Variants in UBAP2 observed in about 807,000 individuals in gnomAD.
The protein encoded by UBAP2 is ubiquitin associated protein 2.
Under a neutral mutation model 139.6 loss-of-function variants are expected in UBAP2, and 75 were observed. That is an observed-to-expected ratio of 0.54 (90% CI 0.45 to 0.65). The LOEUF (loss-of-function observed/expected upper bound fraction) is 0.65. Ranked by LOEUF, UBAP2 falls within the 30% of genes least tolerant of loss-of-function variation. UBAP2 has a pLI of 0.00. For missense variants in UBAP2, 1,368 were observed against 1,369.6 expected (o/e 1.00, Z 0.02); for synonymous variants, 526 against 526.2 (o/e 1.00, Z 0.01).
Position 33,923,239 on chromosome 9 carries a change from T to A in UBAP2, c.2951A>T (p.Tyr984Phe). The A allele has an allele frequency of 6.2e-7, 1 of 1,614,222 alleles. No individual in the cohort carries two copies. Among genetic ancestry groups the A allele is most frequent in the Non-Finnish European group, 8.5e-7 (1 of 1,180,030 alleles). ...TAAGDYSKGG[Y>F]AGSSQAPNKS... ...GTTTGGTGCCTGCGATGATCCAGCA[T>A]AGCCACCTTTGGAGTAGTCTCCTGC... The change falls in exon 26 of 29, where the codon TAT becomes TTT. Residue 984 changes from tyrosine (Y) to phenylalanine (F), a missense_variant. Coordinates refer to ENST00000379238, the MANE Select transcript of UBAP2 (RefSeq NM_001370062.2).
chr9:33,927,449 C>T (rs1214520614), intron 20 of UBAP2, among the ~76,000 whole-genome samples: 1 of 152,174 alleles, frequency 6.6e-6, no homozygotes, highest in East Asian at 1.9e-4. Flanking sequence ...TCGGTTTTAG[C>T]AGCGACCATC....
intron 2 of UBAP2, among the ~76,000 whole-genome samples, chr9:34,012,249 A>T (rs964307855): frequency 9.8e-5 from 15 of 152,320 alleles, no homozygotes; most frequent in South Asian, 4.1e-4. Context: ...AGGACATTAC[A>T]GCTGGGCCCA....
intron 2 of UBAP2, among the ~76,000 whole-genome samples, chr9:34,007,231 C>T (rs1480379794): frequency 1.3e-5 from 2 of 152,098 alleles, no homozygotes; most frequent in African/African-American, 2.4e-5. Flanking sequence ...CAGTGACTCA[C>T]GCCTGTAATC....
intron 6 of UBAP2, among the ~76,000 whole-genome samples, chr9:33,976,974 T>C (rs1828400835): frequency 6.8e-6 from 1 of 147,870 alleles, no homozygotes; most frequent in Non-Finnish European, 1.5e-5. Flanking sequence ...ATGGCGCCAC[T>C]GCACTCCAGC....
chr9:33,984,839 C>T (rs530451019), intron 6 of UBAP2, among the ~76,000 whole-genome samples: 2 of 152,054 alleles, frequency 1.3e-5, no homozygotes, highest in African/African-American at 4.8e-5. Context: ...ATCAAAAAGA[C>T]AAAAAATAGC....
In UBAP2 at chr9:33,989,007, G is replaced by C. The variant is rs754686127; in HGVS notation, c.408C>G (p.Asn136Lys). 6.2e-7 allele frequency: 1 copy of C among 1,613,468 alleles called. No individual in the cohort carries two copies. The highest frequency in any genetic ancestry group is 1.7e-5 in the Admixed American group (1 of 59,872). ...CACGATTGCCGCCTCTTCCTTTCCG[G>C]TTGTTGTTTCCACGTCCACGACTCG... The part of the protein sequence containing the change: ...KESSRGRGNN[N>K]RKGRGGNRGR... The change falls in exon 5 of 29, where the codon AAC becomes AAG. Residue 136 changes from asparagine to lysine, a missense_variant. By Grantham distance (94) the Asn-to-Lys change is moderately conservative (BLOSUM62 0). Transcript: ENST00000379238.
intron 2 of UBAP2, among the ~76,000 whole-genome samples, chr9:34,012,814 C>T (rs1823873965): frequency 6.6e-6 from 1 of 150,394 alleles, no homozygotes; most frequent in South Asian, 2.1e-4. Flanking sequence ...ATTCCCATTG[C>T]AACTTTTCCG....
chr9:33,976,798 A>C (rs1828382896), intron 6 of UBAP2, among the ~76,000 whole-genome samples: 1 of 151,770 alleles, frequency 6.6e-6, no homozygotes, highest in Non-Finnish European at 1.5e-5. Flanking sequence ...TCAGTTCAAG[A>C]CCAGCCTGGC....
chr9:33,932,240 C>T (rs1316947226), intron 19 of UBAP2, among the ~76,000 whole-genome samples: 2 of 152,202 alleles, frequency 1.3e-5, no homozygotes, highest in South Asian at 2.1e-4. Flanking sequence ...GCAATCTCTG[C>T]GTCTGAGTCA....
chr9:33,943,300 A>AT, intron 15 of UBAP2, 120 bp downstream of exon 15: 1 of 966,440 alleles, frequency 1.0e-6, no homozygotes, highest in Non-Finnish European at 1.5e-6. Flanking sequence ...TTTCTTATGG[A>AT]GATGATGGAA....
At chr9:33,934,616 C>T (rs896486961) in intron 17 of UBAP2, among the ~76,000 whole-genome samples, 2 of 152,132 alleles carry the variant, frequency 1.3e-5, no homozygotes, top group African/African-American at 2.4e-5. Context: ...CAAAACATAC[C>T]GCCCTGGGCC....
chr9:34,002,232 G>C (rs1419480357), intron 2 of UBAP2, among the ~76,000 whole-genome samples: 1 of 152,038 alleles, frequency 6.6e-6, no homozygotes, highest in African/African-American at 2.4e-5. Flanking sequence ...GGAATTATAG[G>C]CATGAGCCAC....
chr9:34,017,076 T>C lies in UBAP2; in HGVS notation c.73A>G (p.Thr25Ala), dbSNP rs377405979. ...TGTACCACTTGTTTCTGTGGTTGCG[T>C]TGATTGTGCTGCTGAAATCTGTGGT... ...EKPQISAAQS[T>A]QPQKQVVQAT... The change falls in exon 2 of 29, where the codon ACG becomes GCG. Residue 25 changes from threonine (T) to alanine (A), a missense_variant. Thr to Ala is a moderately conservative substitution (Grantham distance 58). Coordinates refer to ENST00000379238, the MANE Select transcript of UBAP2 (RefSeq NM_001370062.2). 6.2e-6 allele frequency: 10 copies of C among 1,608,204 alleles called. No individual in the cohort carries two copies. In the East Asian group the frequency reaches 6.7e-5, roughly 11 times the overall value.
At chr9:33,981,844 A>G (rs1157860279) in intron 6 of UBAP2, among the ~76,000 whole-genome samples, 1 of 116,582 alleles carries the variant, frequency 8.6e-6, no homozygotes, top group Non-Finnish European at 1.7e-5. Flanking sequence ...GGAAGGGGGG[A>G]AAGGGAGGGA....
chr9:34,018,229 ATT>A (rs34798627), intron 1 of UBAP2, among the ~76,000 whole-genome samples: 11,590 of 142,226 alleles, frequency 0.081, 636 homozygotes, highest in Non-Finnish European at 0.12. Flanking sequence ...AGCGATTACA[ATT>A]TTTTTTTTTT....
rs1247613396 is a variant in UBAP2, at chr9:33,973,346, A to C, written c.521-109T>G. The C allele has an allele frequency of 7.4e-6, 9 of 1,218,694 alleles. No homozygotes were observed. In the East Asian group the frequency reaches 2.1e-4, roughly 29 times the overall value. The allele number at this position is 1,218,694 out of a possible 1,614,324, so 75.5% of individuals were successfully genotyped here. ...CCCAGACAATATTATCATTATTCCT[A>C]GTAGCACCAACATTCCAATCCAGGG... is the stretch of plus-strand genomic sequence containing the variant. On this transcript the variant is annotated intron_variant, in intron 6 of 28. Coordinates refer to ENST00000379238, the MANE Select transcript of UBAP2 (RefSeq NM_001370062.2).
chr9:33,988,594 T>C (rs1382889326), intron 5 of UBAP2, among the ~76,000 whole-genome samples: 2 of 152,222 alleles, frequency 1.3e-5, no homozygotes, highest in Admixed American at 1.3e-4. Flanking sequence ...GGCCCCTTCT[T>C]TGCCACACAC....
chr9:34,044,170 GGCAGATCA>G (rs1247098690), intron 1 of UBAP2, among the ~76,000 whole-genome samples: 2 of 151,690 alleles, frequency 1.3e-5, no homozygotes, highest in South Asian at 2.1e-4. Context: ...GGCCGAGGCG[GGCAGATCA>G]CACACGAGGT....
At chr9:33,981,268 TATATATATATTCTGG>T in intron 6 of UBAP2, among the ~76,000 whole-genome samples, 3 of 83,494 alleles carry the variant, frequency 3.6e-5, no homozygotes, top group Non-Finnish European at 7.7e-5. Flanking sequence ...ATTCTGGATA[TATATATATATTCTGG>T]ATATATATAT....
Sources: allele counts gnomAD v4.1 joint callset (sites outside exome capture counted in the v4.1 genomes callset), GRCh38; gene constraint gnomAD v4.1.1; transcripts MANE v1.5; gene names NCBI Gene and HGNC (gene_info 2026-07-23, HGNC 2026-07-21).